NEO1: variants seen among roughly 807,000 people sequenced by gnomAD.
The protein encoded by NEO1 is neogenin 1.
A neutral mutation model predicts 159.7 loss-of-function variants in NEO1; 63 were observed. That is an observed-to-expected ratio of 0.39 (90% CI 0.32 to 0.49). The LOEUF (loss-of-function observed/expected upper bound fraction) is 0.49. Among genes scored for constraint, NEO1 ranks in the 20% least tolerant of loss-of-function variants. The probability of loss-of-function intolerance (pLI) is 0.85; values close to 1 mark genes in which losing one functional copy is unlikely to be tolerated. For synonymous variants in NEO1, 633 were observed against 662.0 expected (o/e 0.96, Z 0.67); for missense variants, 1,615 against 1,831.0 (o/e 0.88, Z 2.15).
At chr15:73,216,652 G>A (rs1431218780) in intron 7 of NEO1, among the ~76,000 whole-genome samples, 1 of 152,062 alleles carries the variant, frequency 6.6e-6, no homozygotes, top group Non-Finnish European at 1.5e-5. Flanking sequence ...ATATCTCATT[G>A]TGGTTTTGAT....
At chr15:73,248,842 C>T (rs1218639925) in intron 9 of NEO1, among the ~76,000 whole-genome samples, 2 of 152,092 alleles carry the variant, frequency 1.3e-5, no homozygotes, top group African/African-American at 2.4e-5. Context: ...TTTTATAAAT[C>T]ACAAGGAAAG....
intron 1 of NEO1, among the ~76,000 whole-genome samples, chr15:73,092,163 A>G (rs1019367007): frequency 6.6e-6 from 1 of 152,200 alleles, no homozygotes; most frequent in African/African-American, 2.4e-5. Context: ...TTTGTAACTC[A>G]GGTGGATTTA....
intron 8 of NEO1, among the ~76,000 whole-genome samples, chr15:73,238,277 T>G (rs1338935808): frequency 7.3e-5 from 4 of 54,988 alleles, no homozygotes; most frequent in Non-Finnish European, 1.5e-4. Flanking sequence ...TTGGGTTTTT[T>G]TTTTTTTTTT....
chr15:73,073,168 G>A (rs983658178), intron 1 of NEO1, among the ~76,000 whole-genome samples: 1 of 152,084 alleles, frequency 6.6e-6, no homozygotes, highest in East Asian at 1.9e-4. Flanking sequence ...AGAAGTGAGC[G>A]GAGAAGTAGG....
intron 6 of NEO1, among the ~76,000 whole-genome samples, chr15:73,177,877 A>G (rs2035373367): frequency 6.6e-6 from 1 of 152,162 alleles, no homozygotes. Context: ...GTACTTTTTC[A>G]TTTAAGGAAA....
At chr15:73,051,768 G>C (rs2067447554), upstream of NEO1, 1 of 151,954 alleles carries the variant, frequency 6.6e-6, no homozygotes, top group Admixed American at 6.6e-5. Flanking sequence ...CCCAGCAAGA[G>C]TCGGGCGGGA....
intron 7 of NEO1, among the ~76,000 whole-genome samples, chr15:73,178,709 A>G (rs962339929): frequency 6.6e-5 from 10 of 152,210 alleles, no homozygotes; most frequent in African/African-American, 2.4e-4. Flanking sequence ...TTAATCTCAC[A>G]AATATATTTC....
chr15:73,055,177 G>A (rs1358235877), intron 1 of NEO1, among the ~76,000 whole-genome samples: 1 of 152,190 alleles, frequency 6.6e-6, no homozygotes, highest in Non-Finnish European at 1.5e-5. Flanking sequence ...TTACTGAAAA[G>A]ATATGTAGAG....
chr15:73,286,939 C>T (rs1444535447), intron 23 of NEO1, among the ~76,000 whole-genome samples: 1 of 152,150 alleles, frequency 6.6e-6, no homozygotes, highest in African/African-American at 2.4e-5. Context: ...ATCCCCAACC[C>T]CACAGAGCTA....
chr15:73,177,850 T>C (rs528447361), intron 6 of NEO1, among the ~76,000 whole-genome samples: 1 of 152,302 alleles, frequency 6.6e-6, no homozygotes, highest in Non-Finnish European at 1.5e-5. Context: ...CCAGTAGTAA[T>C]AGTTGACATT....
intron 16 of NEO1, among the ~76,000 whole-genome samples, chr15:73,268,226 G>A (rs2041006136): frequency 6.6e-6 from 1 of 152,072 alleles, no homozygotes; most frequent in Non-Finnish European, 1.5e-5. Context: ...CAAAAATTAA[G>A]TGAAAAAGTA....
At chr15:73,222,534 A>G (rs2038353832) in intron 7 of NEO1, among the ~76,000 whole-genome samples, 1 of 151,970 alleles carries the variant, frequency 6.6e-6, no homozygotes, top group African/African-American at 2.4e-5. Flanking sequence ...TTTCTAGTTT[A>G]TGTGCATAAA....
chr15:73,132,631 A>C (rs976296354), intron 4 of NEO1, among the ~76,000 whole-genome samples: 1 of 152,214 alleles, frequency 6.6e-6, no homozygotes, highest in Non-Finnish European at 1.5e-5. Context: ...TTCACAATCT[A>C]TACATCTGAC....
intron 15 of NEO1, among the ~76,000 whole-genome samples, chr15:73,263,857 A>G (rs2040758289): frequency 6.6e-6 from 1 of 152,194 alleles, no homozygotes; most frequent in Non-Finnish European, 1.5e-5. Context: ...ATCTTTTAAG[A>G]CAATTGTTAG....
chr15:73,247,365 A>G (rs1213220873), intron 9 of NEO1, among the ~76,000 whole-genome samples: 2 of 152,236 alleles, frequency 1.3e-5, no homozygotes, highest in Non-Finnish European at 2.9e-5. Context: ...TTTTAGGATC[A>G]TATTTGCCTA....
rs752118556 is a variant in NEO1, at chr15:73,116,530, A to G, written c.131-10A>G. Reference sequence around the variant, plus strand: ...TTGCTTAACTTTGTTCTTTTTCTTTATTTTTGTAGGAGCCAGCATTCGAAC... The same window carrying G: ...TTGCTTAACTTTGTTCTTTTTCTTTGTTTTTGTAGGAGCCAGCATTCGAAC... On this transcript the variant is annotated splice_polypyrimidine_tract_variant and intron_variant, in intron 1 of 28. Coordinates refer to ENST00000261908, the MANE Select transcript of NEO1 (RefSeq NM_002499.4). 2.7e-6 allele frequency: 4 copies of G among 1,504,490 alleles called. No homozygotes were observed. The highest frequency in any genetic ancestry group is 3.5e-6 in the Non-Finnish European group (4 of 1,132,216). The allele number at this position is 1,504,490 out of a possible 1,614,324, so 93.2% of individuals were successfully genotyped here.
intron 9 of NEO1, among the ~76,000 whole-genome samples, chr15:73,245,827 C>T (rs1376753721): frequency 4.6e-5 from 7 of 151,958 alleles, no homozygotes; most frequent in South Asian, 2.1e-4. Context: ...GTGATCCGCC[C>T]GCCTCGGCCT....
At chr15:73,205,358 T>G (rs1362652907) in intron 7 of NEO1, among the ~76,000 whole-genome samples, 1 of 152,170 alleles carries the variant, frequency 6.6e-6, no homozygotes, top group Non-Finnish European at 1.5e-5. Flanking sequence ...TGAAGAAAAT[T>G]GGAGGAACAA....
rs973580725 is a variant in NEO1, at chr15:73,262,536, A to G, written c.2398+2071A>G. On this transcript the variant is annotated intron_variant, in intron 15 of 28. Coordinates refer to ENST00000261908, the MANE Select transcript of NEO1 (RefSeq NM_002499.4). The stretch of plus-strand genomic sequence containing the variant: ...GCAACATTAATCATCAGAAAATGCA[A>G]ATTAAACCCACAATGAAATGCTATT... Among the ~76,000 whole-genome samples, 3 of 152,186 alleles carry G rather than the reference A, an allele frequency of 2.0e-5. No homozygotes were observed. The South Asian group carries it at 6.2e-4, about 31-fold the overall frequency.
Sources: allele counts gnomAD v4.1 joint callset (sites outside exome capture counted in the v4.1 genomes callset), GRCh38; gene constraint gnomAD v4.1.1; transcripts MANE v1.5; gene names NCBI Gene and HGNC (gene_info 2026-07-23, HGNC 2026-07-21).